SLC16A7: variants seen among roughly 807,000 people sequenced by gnomAD.
The protein encoded by SLC16A7 is solute carrier family 16 member 7, also known as monocarboxylate transporter 2.
In SLC16A7, 33 loss-of-function variants were observed where a neutral mutation model predicts 34.9. The ratio of observed to expected loss-of-function variants is 0.94; its 90% CI spans 0.72 to 1.26. The LOEUF (loss-of-function observed/expected upper bound fraction) is 1.26. SLC16A7 is among the 50% of genes most tolerant of loss of function. The probability of loss-of-function intolerance (pLI) is 0.00; values close to 1 mark genes in which losing one functional copy is unlikely to be tolerated. For synonymous variants in SLC16A7, 201 were observed against 206.6 expected (o/e 0.97, Z 0.23); for missense variants, 573 against 578.1 (o/e 0.99, Z 0.09).
chr12:59,716,723 C>T (rs1460773933), intron 3 of SLC16A7, among the ~76,000 whole-genome samples: 1 of 151,988 alleles, frequency 6.6e-6, no homozygotes, highest in African/African-American at 2.4e-5. Context: ...GTGGTGTGTG[C>T]TGTGTCCCAG....
rs1021968693 is a variant in SLC16A7 at position 59,596,656 on chromosome 12, G to T, written c.-130+420G>T. Reference sequence around the variant, plus strand: ...TTCCAGTGCGGCGTGTCTCTAGTGCGCGCCCCGCCAGCATCCGGCCCCCGA... The same window carrying T: ...TTCCAGTGCGGCGTGTCTCTAGTGCTCGCCCCGCCAGCATCCGGCCCCCGA... On this transcript the variant is annotated intron_variant, in intron 1 of 5. Transcript: ENST00000547379. This position sits in a 1 kb window ranked among gnomAD's most constrained non-coding sequence, Gnocchi z 5.0. Among the ~76,000 whole-genome samples, 3 of 152,082 alleles carry T rather than the reference G, an allele frequency of 2.0e-5. No homozygotes were observed. The highest frequency in any genetic ancestry group is 7.2e-5 in the African/African-American group (3 of 41,400).
chr12:59,710,628 A>G (rs531484789), intron 3 of SLC16A7, among the ~76,000 whole-genome samples: 2 of 152,326 alleles, frequency 1.3e-5, no homozygotes, highest in South Asian at 4.1e-4. Flanking sequence ...TGTGCCTCAG[A>G]CAGTGAACCT....
At chr12:59,671,857 GTATATGTATATATGTGTA>G (rs1261241695) in intron 2 of SLC16A7, among the ~76,000 whole-genome samples, 1 of 69,852 alleles carries the variant, frequency 1.4e-5, no homozygotes, top group Non-Finnish European at 2.8e-5. Flanking sequence ...ATATATATGT[GTATATGTATATATGTGTA>G]TATATGTATA....
In SLC16A7 at chr12:59,682,723, G is replaced by GA. The variant is rs577365962; in HGVS notation, c.-30-22040dup. Among the ~76,000 whole-genome samples the GA allele has an allele frequency of 2.0e-4, 30 of 151,226 alleles. No homozygotes were observed. In the South Asian group the frequency reaches 2.7e-3, roughly 14 times the overall value. Reference sequence around the variant, plus strand: ...ATGGAGGGAAAATGGATTTTCTTGAGAAAAAAAAACTTTGTACATGAAAGC... The same window carrying GA: ...ATGGAGGGAAAATGGATTTTCTTGAGAAAAAAAAAACTTTGTACATGAAAGC... On this transcript the variant is annotated intron_variant, in intron 2 of 5. Transcript: ENST00000547379.
At chr12:59,691,944 A>G (rs1209699518) in intron 2 of SLC16A7, among the ~76,000 whole-genome samples, 1 of 151,992 alleles carries the variant, frequency 6.6e-6, no homozygotes, top group Non-Finnish European at 1.5e-5. Flanking sequence ...ATGAGTCACC[A>G]CTACTACTAT....
chr12:59,715,435 G>A (rs1239907426), intron 3 of SLC16A7, among the ~76,000 whole-genome samples: 2 of 152,142 alleles, frequency 1.3e-5, no homozygotes, highest in Non-Finnish European at 2.9e-5. Flanking sequence ...CTTGTGCCTA[G>A]GAACACCAAA....
chr12:59,748,265 G>A (rs575207662), intron 3 of SLC16A7, among the ~76,000 whole-genome samples: 7 of 152,210 alleles, frequency 4.6e-5, no homozygotes, highest in African/African-American at 7.2e-5. Context: ...CCTTACAGAC[G>A]CTACAGGCCA....
chr12:59,640,917 A>G (rs1880655718), intron 1 of SLC16A7, among the ~76,000 whole-genome samples: 1 of 152,122 alleles, frequency 6.6e-6, no homozygotes, highest in African/African-American at 2.4e-5. Flanking sequence ...CATGTATGAA[A>G]AAATGACTTA....
intron 1 of SLC16A7, among the ~76,000 whole-genome samples, chr12:59,637,897 T>A (rs1880505245): frequency 6.6e-6 from 1 of 152,150 alleles, no homozygotes; most frequent in Non-Finnish European, 1.5e-5. Flanking sequence ...TCCCTCTTGC[T>A]CTTTCATGCT....
intron 3 of SLC16A7, among the ~76,000 whole-genome samples, chr12:59,725,672 A>ACTTAT (rs564809165): frequency 7.9e-4 from 120 of 152,244 alleles, no homozygotes; most frequent in African/African-American, 2.9e-3. Context: ...TTATTATCCT[A>ACTTAT]CCTGGTGAAT....
At chr12:59,671,676 C>CTATA (rs1427462306) in intron 2 of SLC16A7, among the ~76,000 whole-genome samples, 7 of 138,476 alleles carry the variant, frequency 5.1e-5, no homozygotes, top group African/African-American at 1.4e-4. Context: ...CTCTCTCTCT[C>CTATA]TCTATATATA....
intron 2 of SLC16A7, among the ~76,000 whole-genome samples, chr12:59,671,775 A>G (rs1169669691): frequency 1.4e-5 from 2 of 141,614 alleles, no homozygotes; most frequent in African/African-American, 5.4e-5. Flanking sequence ...ATATATGTGT[A>G]TATATATGTG....
chr12:59,780,363 A>G lies in SLC16A7; in HGVS notation c.*684A>G, dbSNP rs1883155956. On this transcript the variant is annotated 3_prime_UTR_variant, in exon 6 of 6. Coordinates refer to ENST00000547379, the MANE Select transcript of SLC16A7 (RefSeq NM_001270623.2). ...AAAATAACATCTGACTACTATAAAA[A>G]TATTTGCATATATAAGTTTGACAAA... 1 of 152,094 alleles carries G rather than the reference A, an allele frequency of 6.6e-6. No homozygotes were observed. Among genetic ancestry groups the G allele is most frequent in the Admixed American group, 6.6e-5 (1 of 15,220 alleles). The allele number at this position is 152,094 out of a possible 1,614,324, so 9.4% of individuals were successfully genotyped here. A position where few individuals can be genotyped will look rare whatever the true frequency, so the allele number is the denominator to read the frequency against.
At chr12:59,732,904 G>A (rs886682857) in intron 3 of SLC16A7, among the ~76,000 whole-genome samples, 1 of 152,172 alleles carries the variant, frequency 6.6e-6, no homozygotes, top group African/African-American at 2.4e-5. Context: ...ACTTTTAAAT[G>A]TCTTTATGGG....
At chr12:59,632,899 G>A (rs147954615) in intron 1 of SLC16A7, among the ~76,000 whole-genome samples, 296 of 152,040 alleles carry the variant, frequency 1.9e-3, no homozygotes, top group Non-Finnish European at 3.2e-3. Context: ...AGAGAGCTAT[G>A]GAAAGAAACT....
intron 1 of SLC16A7, among the ~76,000 whole-genome samples, chr12:59,641,893 GA>G (rs941225255): frequency 6.6e-6 from 1 of 151,882 alleles, no homozygotes; most frequent in African/African-American, 2.4e-5. Flanking sequence ...TCCTTGGTGG[GA>G]AGATGTATAA....
intron 2 of SLC16A7, among the ~76,000 whole-genome samples, chr12:59,682,774 A>T (rs1399979334): frequency 6.6e-6 from 1 of 152,204 alleles, no homozygotes; most frequent in Non-Finnish European, 1.5e-5. Flanking sequence ...ATATTGTCTA[A>T]GTAAAACAAA....
intron 2 of SLC16A7, among the ~76,000 whole-genome samples, chr12:59,669,960 T>C (rs1869537593): frequency 6.6e-6 from 1 of 152,216 alleles, no homozygotes; most frequent in African/African-American, 2.4e-5. Flanking sequence ...TATTAAGCAC[T>C]TTCTAGGGCT....
intron 1 of SLC16A7, among the ~76,000 whole-genome samples, chr12:59,628,690 G>T (rs922344247): frequency 6.6e-6 from 1 of 151,600 alleles, no homozygotes; most frequent in African/African-American, 2.4e-5. Flanking sequence ...GTGTGTGCGC[G>T]TATTTTGTCC....
Sources: gnomAD v4.1 joint callset for allele counts (sites outside exome capture counted in the v4.1 genomes callset) on GRCh38, gnomAD v4.1.1 for gene constraint, Gnocchi (gnomAD v3.1) non-coding constraint, MANE v1.5 for transcripts, NCBI Gene and HGNC (gene_info 2026-07-23, HGNC 2026-07-21) for gene names.